Variants in TENM2 observed in about 807,000 individuals in gnomAD.
The protein encoded by TENM2 is teneurin transmembrane protein 2.
TENM2 carries 52 observed loss-of-function variants against 245.2 expected under a neutral mutation model. That is an observed-to-expected ratio of 0.21 (90% CI 0.17 to 0.27). The LOEUF is 0.27. Among genes scored for constraint, TENM2 ranks in the 10% least tolerant of loss-of-function variants. The pLI, the probability that TENM2 is intolerant of heterozygous loss-of-function variation, is 1.00. For synonymous variants in TENM2, 1,363 were observed against 1,438.9 expected (o/e 0.95, Z 1.19); for missense variants, 3,046 against 3,666.8 (o/e 0.83, Z 4.37).
At chr5:167,407,627 G>A (rs1276282513) in intron 2 of TENM2, among the ~76,000 whole-genome samples, 3 of 152,158 alleles carry the variant, frequency 2.0e-5, no homozygotes, top group African/African-American at 7.2e-5. Flanking sequence ...AGACTAGCCT[G>A]GCCAACATGG....
At chr5:167,045,296 A>G in the TENM2 span, among the ~76,000 whole-genome samples, 1 of 152,204 alleles carries the variant, frequency 6.6e-6, no homozygotes, top group African/African-American at 2.4e-5. Context: ...TATCTGTAAA[A>G]TCATGACATT....
intron 2 of TENM2, among the ~76,000 whole-genome samples, chr5:167,417,372 T>A (rs1209799864): frequency 2.0e-5 from 3 of 152,198 alleles, no homozygotes; most frequent in Non-Finnish European, 4.4e-5. Context: ...CTCTCTGCCA[T>A]CTCTTCCCAG....
Position 167,489,108 on chromosome 5 carries a change from G to A in TENM2, c.502+113635G>A, listed in dbSNP as rs79325192. Among the ~76,000 whole-genome samples the A allele has an allele frequency of 1.6e-3, 243 of 152,296 alleles. 7 individuals carry two copies. The East Asian group carries it at 0.046, about 29-fold the overall frequency. On this transcript the variant is annotated intron_variant, in intron 2 of 28. Transcript: ENST00000518659. ...ATCGCATTGGCTTTCTTAGCAGGTTGTCCTACTTTGATTCTTGCCCTTACA... is the reference window on the plus strand; with the variant it reads ...ATCGCATTGGCTTTCTTAGCAGGTTATCCTACTTTGATTCTTGCCCTTACA...
At chr5:168,222,821 G>T (rs1027549364) in intron 23 of TENM2, among the ~76,000 whole-genome samples, 3 of 151,988 alleles carry the variant, frequency 2.0e-5, no homozygotes, top group African/African-American at 7.3e-5. Context: ...GTTTAGTTTT[G>T]CCCTCTTCAG....
chr5:167,100,652 A>T, the TENM2 span, among the ~76,000 whole-genome samples: 745 of 151,924 alleles, frequency 4.9e-3, 7 homozygotes, highest in African/African-American at 0.017. Flanking sequence ...ATTATTAAAA[A>T]TACCTGGTGC....
the TENM2 span, among the ~76,000 whole-genome samples, chr5:167,078,303 G>A: frequency 6.6e-6 from 1 of 152,070 alleles, no homozygotes; most frequent in African/African-American, 2.4e-5. Context: ...GACCAACATG[G>A]AGAAACCCTG....
intron 2 of TENM2, among the ~76,000 whole-genome samples, chr5:167,478,974 T>A (rs1767575277): frequency 1.0e-5 from 1 of 98,410 alleles, no homozygotes; most frequent in Admixed American, 1.3e-4. Flanking sequence ...TGATTGCATA[T>A]GACTACTTTA....
chr5:167,270,289 A>G, the TENM2 span, among the ~76,000 whole-genome samples: 6 of 152,192 alleles, frequency 3.9e-5, no homozygotes, highest in African/African-American at 1.4e-4. Context: ...AAGGATCACG[A>G]AGTAACCACT....
intron 6 of TENM2, among the ~76,000 whole-genome samples, chr5:168,052,390 C>T (rs1406193670): frequency 6.6e-6 from 1 of 151,262 alleles, no homozygotes; most frequent in Non-Finnish European, 1.5e-5. Context: ...GACTCTGTGT[C>T]CATATATACA....
the TENM2 span, among the ~76,000 whole-genome samples, chr5:167,142,450 C>A: frequency 0.023 from 3,525 of 151,752 alleles, 125 homozygotes; most frequent in African/African-American, 0.081. Context: ...GGCAAGCTCT[C>A]AACTTTTATC....
chr5:168,178,226 A>G (rs1438068780), intron 13 of TENM2, among the ~76,000 whole-genome samples: 2 of 152,100 alleles, frequency 1.3e-5, no homozygotes, highest in African/African-American at 4.8e-5. Context: ...ACTGTCTGGC[A>G]CCAGGCTGCC....
In TENM2 at chr5:167,851,037, C is replaced by G. The variant is rs560796273; in HGVS notation, c.503-24949C>G. Among the ~76,000 whole-genome samples the G allele has an allele frequency of 5.3e-5, 8 of 152,256 alleles. No homozygotes were observed. In the East Asian group the frequency reaches 1.5e-3, roughly 29 times the overall value. ...CCCTAATCCCAGGAGATAAATTTCT[C>G]CAAGGAACCCAGCAGCAAAGAGCAA... On this transcript the variant is annotated intron_variant, in intron 2 of 28. Coordinates refer to ENST00000518659, the Ensembl canonical transcript of TENM2.
At chr5:167,945,896 TGAG>T (rs1779582396) in intron 3 of TENM2, among the ~76,000 whole-genome samples, 1 of 151,938 alleles carries the variant, frequency 6.6e-6, no homozygotes, top group Non-Finnish European at 1.5e-5. Context: ...GCTGGGGAGA[TGAG>T]GAGGAGGCTA....
chr5:167,919,637 C>G (rs1183390530), intron 3 of TENM2, among the ~76,000 whole-genome samples: 1 of 152,146 alleles, frequency 6.6e-6, no homozygotes, highest in Non-Finnish European at 1.5e-5. Flanking sequence ...CTGAGAGCAG[C>G]GTTGATCTGA....
chr5:167,614,682 G>T (rs1220008398), intron 2 of TENM2, among the ~76,000 whole-genome samples: 1 of 152,114 alleles, frequency 6.6e-6, no homozygotes, highest in Non-Finnish European at 1.5e-5. Context: ...GTTGCATGAG[G>T]AAGAGAGAAG....
At chr5:167,855,410 A>G (rs939421782) in intron 2 of TENM2, among the ~76,000 whole-genome samples, 13 of 152,224 alleles carry the variant, frequency 8.5e-5, no homozygotes, top group Non-Finnish European at 1.8e-4. Context: ...TTGTGTTTAC[A>G]TATGCTTATA....
intron 9 of TENM2, among the ~76,000 whole-genome samples, chr5:168,108,484 A>G (rs184714297): frequency 1.3e-5 from 2 of 152,360 alleles, no homozygotes; most frequent in Admixed American, 6.5e-5. Context: ...AAGTAAATAC[A>G]TGGAAACTTT....
intron 1 of TENM2, among the ~76,000 whole-genome samples, chr5:167,316,204 T>G (rs1211817075): frequency 6.6e-6 from 1 of 152,236 alleles, no homozygotes; most frequent in African/African-American, 2.4e-5. Flanking sequence ...GGCAGAGATA[T>G]GTACTGTATC....
intron 2 of TENM2, among the ~76,000 whole-genome samples, chr5:167,465,172 G>A (rs1228007677): frequency 1.3e-5 from 2 of 152,160 alleles, no homozygotes; most frequent in Admixed American, 1.3e-4. Context: ...TTTGATGTTA[G>A]GTGCTAATGC....
Sources: allele counts gnomAD v4.1 joint callset (sites outside exome capture counted in the v4.1 genomes callset), GRCh38; gene constraint gnomAD v4.1.1; transcripts MANE v1.5; gene names NCBI Gene and HGNC (gene_info 2026-07-23, HGNC 2026-07-21).